The following ARID4A variants were observed in gnomAD, a reference collection of about 807,000 sequenced individuals.
ARID4A encodes AT-rich interactive domain-containing protein 4A.
In ARID4A, 39 loss-of-function variants were observed where a neutral mutation model predicts 148.6. That is an observed-to-expected ratio of 0.26 (90% confidence interval 0.20 to 0.34). ARID4A has a LOEUF of 0.34. Ranked by LOEUF, ARID4A falls within the 10% of genes least tolerant of loss-of-function variation. The pLI is 1.00. For synonymous variants in ARID4A, 475 were observed against 481.2 expected (o/e 0.99, Z 0.17); for missense variants, 1,265 against 1,449.1 (o/e 0.87, Z 2.06).
At chr14:58,368,078 C>T (rs1301699647) in intron 23 of ARID4A, among the ~76,000 whole-genome samples, 1 of 152,042 alleles carries the variant, frequency 6.6e-6, no homozygotes. Flanking sequence ...CCAACTCAAG[C>T]AGAAAATAGA....
chr14:58,302,513 C>T (rs921446605), intron 3 of ARID4A, among the ~76,000 whole-genome samples: 2 of 151,696 alleles, frequency 1.3e-5, no homozygotes, highest in African/African-American at 4.8e-5. Context: ...AAAAAATTAA[C>T]CTGGCATGGT....
At chr14:58,304,896 ATT>A in intron 3 of ARID4A, 46 bp from the exon 4 acceptor site, 1 of 1,437,182 alleles carries the variant, frequency 7.0e-7, no homozygotes, top group Non-Finnish European at 9.7e-7. Flanking sequence ...CTATAAATGT[ATT>A]TGTTTTAAAA....
chr14:58,322,980 A>AAAAAATATATAT (rs1255021613), intron 7 of ARID4A, among the ~76,000 whole-genome samples: 1 of 114,286 alleles, frequency 8.7e-6, no homozygotes, highest in East Asian at 2.4e-4. Context: ...AAAAAAAAAA[A>AAAAAATATATAT]ATATATATAT....
intron 8 of ARID4A, 45 bp from the exon 9 acceptor site, chr14:58,328,192 G>T: frequency 7.4e-7 from 1 of 1,352,342 alleles, no homozygotes; most frequent in Non-Finnish European, 1.1e-6. Flanking sequence ...CTGTTTTTCT[G>T]AGCACAGGAA....
chr14:58,346,773 C>G (rs1418093413), intron 13 of ARID4A, among the ~76,000 whole-genome samples: 1 of 149,516 alleles, frequency 6.7e-6, no homozygotes, highest in African/African-American at 2.5e-5. Context: ...ACAGAAAATA[C>G]AAAAATTAGC....
intron 11 of ARID4A, among the ~76,000 whole-genome samples, chr14:58,341,674 T>A (rs188161842): frequency 4.3e-4 from 66 of 152,360 alleles, no homozygotes; most frequent in Non-Finnish European, 3.4e-4. Flanking sequence ...TGTTTGAGCT[T>A]AATCTGAAGA....
intron 5 of ARID4A, among the ~76,000 whole-genome samples, chr14:58,307,594 C>T (rs140905848): frequency 1.1e-3 from 163 of 152,194 alleles, no homozygotes; most frequent in Middle Eastern, 3.4e-3. Context: ...GCGAGGTGGG[C>T]GGATCACCTG....
intron 11 of ARID4A, among the ~76,000 whole-genome samples, chr14:58,342,029 C>T (rs1333935489): frequency 2.6e-5 from 4 of 152,164 alleles, no homozygotes; most frequent in African/African-American, 7.2e-5. Context: ...ACAGAGAAAG[C>T]AAACCGTGAT....
At chr14:58,304,061 TA>T (rs75271900) in intron 3 of ARID4A, among the ~76,000 whole-genome samples, 357 of 137,496 alleles carry the variant, frequency 2.6e-3, no homozygotes, top group Middle Eastern at 3.7e-3. Flanking sequence ...AGACCCTGCC[TA>T]AAAAAAAAAA....
chr14:58,333,800 C>T (rs2033656834), intron 11 of ARID4A, among the ~76,000 whole-genome samples: 1 of 152,012 alleles, frequency 6.6e-6, no homozygotes, highest in South Asian at 2.1e-4. Context: ...TAGGTATAAA[C>T]TTACAGTAAA....
intron 19 of ARID4A, among the ~76,000 whole-genome samples, chr14:58,362,403 A>G (rs1393772058): frequency 2.0e-5 from 3 of 152,116 alleles, no homozygotes; most frequent in African/African-American, 7.2e-5. Context: ...AGCCAGGGCA[A>G]CATAGTGAGA....
intron 18 of ARID4A, among the ~76,000 whole-genome samples, chr14:58,359,436 A>G (rs556388325): frequency 4.8e-4 from 73 of 152,278 alleles, no homozygotes; most frequent in Non-Finnish European, 7.2e-4. Flanking sequence ...ATGTGCCTAC[A>G]TTGACACATT....
intron 17 of ARID4A, among the ~76,000 whole-genome samples, chr14:58,358,416 G>A (rs1006821015): frequency 8.5e-5 from 13 of 152,206 alleles, no homozygotes; most frequent in African/African-American, 2.6e-4. Flanking sequence ...CCATTGAGCC[G>A]AGATGGCACC....
At chr14:58,361,141 A>C (rs1316357223) in intron 19 of ARID4A, 99 bp downstream of exon 19, 1 of 1,451,868 alleles carries the variant, frequency 6.9e-7, no homozygotes, top group Non-Finnish European at 9.1e-7. Flanking sequence ...AAAAAAAATC[A>C]ATAACATAAA....
chr14:58,336,296 A>G (rs2033811469), intron 11 of ARID4A, among the ~76,000 whole-genome samples: 1 of 152,100 alleles, frequency 6.6e-6, no homozygotes, highest in Non-Finnish European at 1.5e-5. Flanking sequence ...TTTTTCTCCA[A>G]GTTTTCTTTC....
chr14:58,351,028 C>T, intron 15 of ARID4A, 45 bp from the exon 16 acceptor site: 2 of 1,542,896 alleles, frequency 1.3e-6, no homozygotes, highest in East Asian at 2.3e-5. Flanking sequence ...GCTTTTTTCC[C>T]CTTTATAGTG....
At position 58,364,234 on chromosome 14, in the gene ARID4A, T is replaced by G. The variant is rs759803646; in HGVS notation, c.2145T>G (p.Leu715=). 3.3e-6 allele frequency: 5 copies of G among 1,514,500 alleles called. No homozygotes were observed. Among genetic ancestry groups the G allele is most frequent in the Non-Finnish European group, 3.5e-6 (4 of 1,136,672 alleles). The allele number at this position is 1,514,500 out of a possible 1,614,324, so 93.8% of individuals were successfully genotyped here. ...AAAAGAATTTAATAAATGAAGAACT[T>G]TCTCTTAAAGATGAACTAGAAAAAA... ...ALEKNLINEE[L]SLKDELEKNE... is the part of the protein sequence containing the mutation. The change falls in exon 20 of 24, where the codon CTT becomes CTG. Residue 715 remains leucine, a synonymous_variant. Transcript: ENST00000355431.
intron 12 of ARID4A, among the ~76,000 whole-genome samples, chr14:58,345,722 T>TC (rs2034329126): frequency 3.4e-5 from 1 of 29,694 alleles, no homozygotes; most frequent in African/African-American, 8.5e-5. Flanking sequence ...GCCTAAACTT[T>TC]TTTTTTTTTT....
intron 11 of ARID4A, among the ~76,000 whole-genome samples, chr14:58,334,833 T>A (rs972833927): frequency 6.6e-6 from 1 of 152,156 alleles, no homozygotes; most frequent in African/African-American, 2.4e-5. Context: ...ATCCTTCTCA[T>A]CAGCTTTTTA....
Sources: gnomAD v4.1 joint callset for allele counts (sites outside exome capture counted in the v4.1 genomes callset) on GRCh38, gnomAD v4.1.1 for gene constraint, MANE v1.5 for transcripts, NCBI Gene and HGNC (gene_info 2026-07-23, HGNC 2026-07-21) for gene names.